Variants in LARP1B observed in about 807,000 individuals in gnomAD.
LARP1B encodes the protein La ribonucleoprotein 1B, also known as la-related protein 1B.
LARP1B carries 76 observed loss-of-function variants against 114.2 expected under a neutral mutation model. That is an observed-to-expected ratio of 0.67 (90% confidence interval 0.55 to 0.81). The LOEUF is 0.81. LARP1B is among the 30% of genes least tolerant of loss of function. LARP1B has a pLI of 0.00. For synonymous variants in LARP1B, 345 were observed against 348.0 expected (o/e 0.99, Z 0.10); for missense variants, 1,014 against 1,075.8 (o/e 0.94, Z 0.80).
chr4:128,107,472 A>G, intron 9 of LARP1B, 159 bp downstream of exon 9: 1 of 1,450,986 alleles, frequency 6.9e-7, no homozygotes, highest in Non-Finnish European at 9.1e-7. Context: ...TGCCTCACTC[A>G]CAGAGTTACA....
At chr4:128,153,800 T>TA (rs1734090105) in intron 11 of LARP1B, among the ~76,000 whole-genome samples, 1 of 152,218 alleles carries the variant, frequency 6.6e-6, no homozygotes, top group African/African-American at 2.4e-5. Context: ...ATTCTCCAGT[T>TA]ATTTGTCTTA....
intron 1 of LARP1B, among the ~76,000 whole-genome samples, chr4:128,073,008 C>T (rs1765972874): frequency 6.6e-6 from 1 of 152,286 alleles, no homozygotes; most frequent in East Asian, 1.9e-4. Flanking sequence ...TTGCACTGAA[C>T]ATCCTATATG....
At chr4:128,066,496 AGAT>A (rs1762933401) in intron 1 of LARP1B, among the ~76,000 whole-genome samples, 2 of 78,118 alleles carry the variant, frequency 2.6e-5, no homozygotes, top group Non-Finnish European at 5.0e-5. Flanking sequence ...TTTTTTTTTG[AGAT>A]GGAGTTTCAT....
chr4:128,206,193 G>A lies in LARP1B; in HGVS notation c.2310-235G>A, dbSNP rs1015040135. On this transcript the variant is annotated intron_variant, in intron 17 of 19. Coordinates refer to ENST00000326639, the MANE Select transcript of LARP1B (RefSeq NM_018078.4). ...TGTAATCCCAGCTACTCGGGAGGCT[G>A]AGGCAGGAGAATAGCTTGAACCAGG... Among the ~76,000 whole-genome samples, 9 of 152,280 alleles carry A rather than the reference G, an allele frequency of 5.9e-5. No homozygotes were observed. The East Asian group carries it at 1.7e-3, about 29-fold the overall frequency.
At chr4:128,064,345 A>G (rs1761610818) in intron 1 of LARP1B, among the ~76,000 whole-genome samples, 2 of 151,658 alleles carry the variant, frequency 1.3e-5, no homozygotes, top group South Asian at 4.2e-4. Context: ...CTTCAGAGGA[A>G]CTCTCCAAAG....
intron 4 of LARP1B, among the ~76,000 whole-genome samples, chr4:128,079,303 C>CA (rs1206109423): frequency 1.3e-5 from 2 of 151,944 alleles, no homozygotes; most frequent in Non-Finnish European, 2.9e-5. Context: ...CTGTGTTGCC[C>CA]AGGCTGGTCT....
rs1759883259 is a variant in LARP1B, at chr4:128,220,031, A to G, written n.849-324A>G. On this transcript the variant is annotated intron_variant and non_coding_transcript_variant, in intron 6 of 7. Coordinates refer to the LARP1B transcript ENST00000503725. ...CTCCTGAGTAGCTGGGATTACAGGC[A>G]TGTGCCACCACGCCCGGCTAATTTT... 2.0e-5 allele frequency among the ~76,000 whole-genome samples: 3 copies of G among 152,000 alleles called. No homozygotes were observed. The South Asian group carries it at 6.2e-4, about 32-fold the overall frequency.
chr4:128,061,524 C>T, intron 1 of LARP1B, 123 bp downstream of exon 1: 1 of 260,444 alleles, frequency 3.8e-6, no homozygotes, highest in Non-Finnish European at 5.9e-6. Flanking sequence ...AGGGGCGTCA[C>T]GCCGGGCGCT....
chr4:128,095,992 ATTTTTT>A (rs71587360), intron 7 of LARP1B, among the ~76,000 whole-genome samples: 1 of 125,370 alleles, frequency 8.0e-6, no homozygotes, highest in African/African-American at 3.1e-5. Flanking sequence ...GGAGGCTATA[ATTTTTT>A]TTTTTTTTTT....
chr4:128,199,516 T>C lies in LARP1B; in HGVS notation c.2081T>C (p.Phe694Ser), dbSNP rs770530414. The C allele has an allele frequency of 6.2e-7, 1 of 1,604,834 alleles. No individual in the cohort carries two copies. Among genetic ancestry groups the C allele is most frequent in the South Asian group, 1.1e-5 (1 of 88,870 alleles). The change falls in exon 16 of 20, where the codon TTC becomes TCC. Residue 694 changes from phenylalanine (F) to serine (S), a missense_variant. Transcript: ENST00000326639. Reference protein sequence around the residue: ...YGCTPHSFPKFQHPSHELLKE... With the variant: ...YGCTPHSFPKSQHPSHELLKE... ...TGTACTCCTCATTCATTCCCAAAGTTCCAGCATCCTTCTCATGAACTTTTG... is the reference window on the plus strand; with the variant it reads ...TGTACTCCTCATTCATTCCCAAAGTCCCAGCATCCTTCTCATGAACTTTTG...
At chr4:128,126,689 GAATATATGA>G (rs1789729851) in intron 11 of LARP1B, among the ~76,000 whole-genome samples, 1 of 151,968 alleles carries the variant, frequency 6.6e-6, no homozygotes, top group African/African-American at 2.4e-5. Flanking sequence ...CAAAGAAATA[GAATATATGA>G]AAAGAGGATA....
intron 15 of LARP1B, among the ~76,000 whole-genome samples, chr4:128,192,142 A>C (rs1301504839): frequency 6.6e-6 from 1 of 152,200 alleles, no homozygotes; most frequent in East Asian, 1.9e-4. Flanking sequence ...TCATTGTCTC[A>C]ATAAAGTATT....
At chr4:128,138,404 C>T (rs1000539516) in intron 11 of LARP1B, among the ~76,000 whole-genome samples, 8 of 152,122 alleles carry the variant, frequency 5.3e-5, no homozygotes, top group Admixed American at 4.6e-4. Flanking sequence ...AGTGCTATGA[C>T]AATTTAAAAA....
intron 9 of LARP1B, among the ~76,000 whole-genome samples, chr4:128,111,406 T>G (rs1195499601): frequency 6.6e-6 from 1 of 152,086 alleles, no homozygotes; most frequent in African/African-American, 2.4e-5. Context: ...GTATTAGAAA[T>G]AGAGTTCTCT....
At chr4:128,099,922 A>G (rs1779675149) in intron 8 of LARP1B, among the ~76,000 whole-genome samples, 1 of 152,088 alleles carries the variant, frequency 6.6e-6, no homozygotes, top group Admixed American at 6.6e-5. Flanking sequence ...TTTTTTGAAT[A>G]ATAGATATAT....
At position 128,210,362 on chromosome 4, in the gene LARP1B, C is replaced by A; in HGVS notation, c.*309C>A. 1 of 1,109,884 alleles carries A rather than the reference C, an allele frequency of 9.0e-7. No homozygotes were observed. Among genetic ancestry groups the A allele is most frequent in the Non-Finnish European group, 1.1e-6 (1 of 907,226 alleles). 68.8% of individuals were successfully genotyped at this position (1,109,884 alleles called of 1,614,324 possible). ...TTTCTTTTTCAAAGCCATGGTTTTA[C>A]AAAAACAGCATTCCTTAAATATATT... On this transcript the variant is annotated 3_prime_UTR_variant, in exon 20 of 20. Transcript: ENST00000326639.
intron 1 of LARP1B, among the ~76,000 whole-genome samples, chr4:128,071,983 T>C (rs1251905490): frequency 7.3e-6 from 1 of 136,994 alleles, no homozygotes; most frequent in African/African-American, 2.8e-5. Context: ...GATAACGTTT[T>C]ATTATTTATT....
intron 15 of LARP1B, among the ~76,000 whole-genome samples, chr4:128,194,363 C>T (rs1451255458): frequency 2.6e-5 from 4 of 152,116 alleles, no homozygotes; most frequent in Admixed American, 2.0e-4. Context: ...TGAGTTACCG[C>T]GCCCGGCCCC....
chr4:128,158,561 A>G (rs1037645955), intron 11 of LARP1B, among the ~76,000 whole-genome samples: 1 of 152,186 alleles, frequency 6.6e-6, no homozygotes. Flanking sequence ...TTACAAATCA[A>G]TAAGAGAAAG....
Sources: allele counts gnomAD v4.1 joint callset (sites outside exome capture counted in the v4.1 genomes callset), GRCh38; gene constraint gnomAD v4.1.1; transcripts MANE v1.5; gene names NCBI Gene and HGNC (gene_info 2026-07-23, HGNC 2026-07-21).